Variants in FBXL4 observed in about 807,000 individuals in gnomAD.
FBXL4 encodes the protein F-box and leucine rich repeat protein 4.
A neutral mutation model predicts 58.9 loss-of-function variants in FBXL4; 40 were observed. The ratio of observed to expected loss-of-function variants is 0.68; its 90% CI spans 0.53 to 0.88. FBXL4 has a LOEUF of 0.88. Among genes scored for constraint, FBXL4 ranks in the 40% least tolerant of loss-of-function variants. The probability of loss-of-function intolerance (pLI) is 0.00; values close to 1 mark genes in which losing one functional copy is unlikely to be tolerated. For missense variants in FBXL4, 676 were observed against 734.4 expected, an observed-to-expected ratio of 0.92 and a Z score of 0.92; for synonymous variants, 263 against 265.5, an observed-to-expected ratio of 0.99 and a Z score of 0.09.
At position 98,931,877 on chromosome 6, in the gene FBXL4, T is replaced by C. The variant is rs568391167; in HGVS notation, c.-191+2885A>G. On this transcript the variant is annotated intron_variant, in intron 2 of 9. Transcript: ENST00000369244. Reference sequence around the variant, plus strand: ...GACTCATGTGGAGAGCTACGACCAATGCAGAAGTCCAAATTGTCCAGGCGC... The same window carrying C: ...GACTCATGTGGAGAGCTACGACCAACGCAGAAGTCCAAATTGTCCAGGCGC... 1.7e-3 allele frequency among the ~76,000 whole-genome samples: 253 copies of C among 152,326 alleles called. 1 individual carries two copies. Among genetic ancestry groups the C allele is most frequent in the Admixed American group, 3.9e-3 (60 of 15,304 alleles).
chr6:98,893,882 T>C (rs986749427), intron 7 of FBXL4, among the ~76,000 whole-genome samples: 1 of 152,144 alleles, frequency 6.6e-6, no homozygotes, highest in Non-Finnish European at 1.5e-5. Flanking sequence ...ATGAGTCAGA[T>C]TTATTTTATT....
At chr6:98,942,410 G>A (rs1363156891) in intron 1 of FBXL4, among the ~76,000 whole-genome samples, 1 of 152,118 alleles carries the variant, frequency 6.6e-6, no homozygotes, top group Non-Finnish European at 1.5e-5. Context: ...CCCCAGTGCT[G>A]GAGGTGGGGC....
At chr6:98,892,564 C>T (rs941323795) in intron 7 of FBXL4, among the ~76,000 whole-genome samples, 15 of 152,146 alleles carry the variant, frequency 9.9e-5, no homozygotes, top group Admixed American at 9.2e-4. Context: ...AAAACAAATT[C>T]GTAGCACTAA....
At chr6:98,884,971 C>T (rs578190564) in intron 7 of FBXL4, among the ~76,000 whole-genome samples, 15 of 152,138 alleles carry the variant, frequency 9.9e-5, no homozygotes, top group African/African-American at 1.9e-4. Context: ...CTTAACTTAG[C>T]GACTCACTTT....
intron 7 of FBXL4, among the ~76,000 whole-genome samples, chr6:98,889,853 C>T (rs1016080705): frequency 7.9e-5 from 12 of 152,010 alleles, no homozygotes; most frequent in African/African-American, 2.4e-4. Context: ...AGATAAAAGG[C>T]ATTAATTCAA....
At chr6:98,900,228 T>C (rs1771556109) in intron 6 of FBXL4, among the ~76,000 whole-genome samples, 1 of 152,160 alleles carries the variant, frequency 6.6e-6, no homozygotes, top group Non-Finnish European at 1.5e-5. Flanking sequence ...TAAACATGAA[T>C]CTAGGAGTAT....
rs767302112 is a variant in FBXL4, at chr6:98,875,428, C to T, written c.1689G>A (p.Gln563=). The change falls in exon 9 of 10, where the codon CAG becomes CAA. Residue 563 remains glutamine, a synonymous_variant. Coordinates refer to ENST00000369244, the MANE Select transcript of FBXL4 (RefSeq NM_001278716.2). ...ELACNCTRLQ[Q]LDILGTRMVS... is the part of the protein sequence containing the mutation. The stretch of plus-strand genomic sequence containing the variant: ...TTGTAACCTTACCTAATATGTCCAG[C>T]TGCTGTAACCTGGTACAATTACATG... 1.2e-6 allele frequency: 2 copies of T among 1,613,794 alleles called. No homozygotes were observed. Among genetic ancestry groups the T allele is most frequent in the East Asian group, 4.5e-5 (2 of 44,896 alleles).
At chr6:98,923,727 A>C (rs1238780354) in intron 4 of FBXL4, among the ~76,000 whole-genome samples, 1 of 152,222 alleles carries the variant, frequency 6.6e-6, no homozygotes, top group Non-Finnish European at 1.5e-5. Context: ...CTTGGTTCCT[A>C]GCAGTGAACT....
intron 7 of FBXL4, among the ~76,000 whole-genome samples, chr6:98,883,453 T>A (rs1342417427): frequency 1.3e-5 from 2 of 151,992 alleles, no homozygotes; most frequent in African/African-American, 4.8e-5. Context: ...TTAATCCTTT[T>A]CCCCCTTATG....
In FBXL4 at chr6:98,939,075, C is replaced by CAAA. The variant is rs3068704; in HGVS notation, c.-308-4199_-308-4197dup. Among the ~76,000 whole-genome samples, 33 of 25,244 alleles carry CAAA rather than the reference C, an allele frequency of 1.3e-3. 3 individuals are homozygous for CAAA. Among genetic ancestry groups the CAAA allele is most frequent in the Middle Eastern group, 0.036 (1 of 28 alleles). 16.6% of individuals were successfully genotyped at this position (25,244 alleles called of 152,430 possible). ...TGGGTGACAGAGCAAGACCTTGTCT[C>CAAA]AAAAAAAAAAAAAAAAAAAAAAAAA... On this transcript the variant is annotated intron_variant, in intron 1 of 9. Coordinates refer to ENST00000369244, the MANE Select transcript of FBXL4 (RefSeq NM_001278716.2).
intron 5 of FBXL4, among the ~76,000 whole-genome samples, chr6:98,911,462 G>A (rs895834211): frequency 1.8e-4 from 27 of 152,150 alleles, no homozygotes; most frequent in African/African-American, 5.6e-4. Context: ...TCACACGGCC[G>A]GGTACTCCTC....
intron 4 of FBXL4, among the ~76,000 whole-genome samples, chr6:98,919,502 T>C (rs1009329051): frequency 2.0e-5 from 3 of 152,064 alleles, no homozygotes; most frequent in Non-Finnish European, 4.4e-5. Flanking sequence ...TTCCAAAGAA[T>C]AGAGCAGGCT....
At chr6:98,896,954 AT>A in intron 7 of FBXL4, 1 of 985,224 alleles carries the variant, frequency 1.0e-6, no homozygotes, top group Non-Finnish European at 1.2e-6. Context: ...TAGACTAATA[AT>A]TCTCTGACAC....
intron 2 of FBXL4, among the ~76,000 whole-genome samples, chr6:98,930,283 G>A (rs750255749): frequency 2.1e-4 from 32 of 152,208 alleles, no homozygotes; most frequent in Non-Finnish European, 4.1e-4. Flanking sequence ...GGCTGGGCAT[G>A]ATGGCTCACA....
chr6:98,922,013 C>T (rs195842), intron 4 of FBXL4, among the ~76,000 whole-genome samples: 24,692 of 152,068 alleles, frequency 0.16, 2,421 homozygotes, highest in East Asian at 0.47. Context: ...CTGCAACCTC[C>T]GCCTTCTGGT....
chr6:98,875,097 C>A (rs915445820), intron 9 of FBXL4, among the ~76,000 whole-genome samples: 1 of 145,302 alleles, frequency 6.9e-6, no homozygotes, highest in African/African-American at 2.6e-5. Flanking sequence ...GAATTAATTT[C>A]TTCTCTCCTT....
intron 4 of FBXL4, among the ~76,000 whole-genome samples, chr6:98,921,040 C>G (rs1772564096): frequency 6.6e-6 from 1 of 152,162 alleles, no homozygotes; most frequent in Non-Finnish European, 1.5e-5. Flanking sequence ...TTTTAAATCT[C>G]AAGTATCACA....
At chr6:98,929,596 G>C (rs1461963542) in intron 2 of FBXL4, among the ~76,000 whole-genome samples, 1 of 149,034 alleles carries the variant, frequency 6.7e-6, no homozygotes, top group Non-Finnish European at 1.5e-5. Context: ...AAGAAAGAAA[G>C]AAAGTCAATG....
chr6:98,926,427 AC>A lies in FBXL4; in HGVS notation c.512+49del, dbSNP rs774574475. The A allele has an allele frequency of 1.1e-5, 17 of 1,509,038 alleles. No homozygotes were observed. The African/African-American group carries it at 1.7e-4, about 15-fold the overall frequency. The allele number at this position is 1,509,038 out of a possible 1,614,324, so 93.5% of individuals were successfully genotyped here. On this transcript the variant is annotated intron_variant, in intron 4 of 9. Coordinates refer to ENST00000369244, the MANE Select transcript of FBXL4 (RefSeq NM_001278716.2). ...ATAAAAAAGATCTCCAATATTAACAACCAAAACCTTTCTACCATATAACTTA... is the reference window on the plus strand; with the variant it reads ...ATAAAAAAGATCTCCAATATTAACAACAAAACCTTTCTACCATATAACTTA...
Sources: gnomAD v4.1 joint callset for allele counts (sites outside exome capture counted in the v4.1 genomes callset) on GRCh38, gnomAD v4.1.1 for gene constraint, MANE v1.5 for transcripts, NCBI Gene and HGNC (gene_info 2026-07-23, HGNC 2026-07-21) for gene names.